Variants in IL2RA observed in about 807,000 individuals in gnomAD.
The protein encoded by IL2RA is interleukin 2 receptor subunit alpha.
Under a neutral mutation model 37.8 loss-of-function variants are expected in IL2RA, and 24 were observed. The ratio of observed to expected loss-of-function variants is 0.63; its 90% CI spans 0.46 to 0.89. The LOEUF is 0.89. IL2RA is among the 40% of genes least tolerant of loss of function. The pLI is 0.00. For missense variants in IL2RA, 319 were observed against 348.6 expected (o/e 0.92, Z 0.68); for synonymous variants, 125 against 114.6 (o/e 1.09, Z -0.58).
chr10:6,018,258 G>T lies in IL2RA; in HGVS notation c.728-139C>A. On this transcript the variant is annotated intron_variant, in intron 6 of 7. Coordinates refer to ENST00000379959, the MANE Select transcript of IL2RA (RefSeq NM_000417.3). The surrounding 1 kb of genome is among the most constrained non-coding windows in gnomAD (Gnocchi z 5.1). Reference sequence around the variant, plus strand: ...CAGCCTCTCTTCCCTGTCTCAGGAAGTAGGTCCCTCCCCATGGGATTTCCT... The same window carrying T: ...CAGCCTCTCTTCCCTGTCTCAGGAATTAGGTCCCTCCCCATGGGATTTCCT... 1 of 707,252 alleles carries T rather than the reference G, an allele frequency of 1.4e-6. No homozygotes were observed. The highest frequency in any genetic ancestry group is 1.5e-5 in the South Asian group (1 of 65,872). 43.8% of individuals were successfully genotyped at this position (707,252 alleles called of 1,614,324 possible).
chr10:6,017,875 G>T (rs371623065), intron 7 of IL2RA, among the ~76,000 whole-genome samples, 178 bp downstream of exon 7: 1 of 152,150 alleles, frequency 6.6e-6, no homozygotes, highest in African/African-American at 2.4e-5. Context: ...ACTGCACCCG[G>T]CGGTGCTTTA....
rs1839533223 is a variant in IL2RA, at chr10:6,029,121, C to T, written c.65-3096G>A. Among the ~76,000 whole-genome samples, 2 of 149,086 alleles carry T rather than the reference C, an allele frequency of 1.3e-5. No individual in the cohort carries two copies. Among genetic ancestry groups the T allele is most frequent in the Admixed American group, 6.8e-5 (1 of 14,642 alleles). ...TAAACTATGACCTGCAGATTTGCTG[C>T]CATTTATTTTATTTATTTATTTATT... On this transcript the variant is annotated intron_variant, in intron 1 of 7. Coordinates refer to ENST00000379959, the MANE Select transcript of IL2RA (RefSeq NM_000417.3). The surrounding 1 kb of genome is among the most constrained non-coding windows in gnomAD (Gnocchi z 4.6).
chr10:6,060,433 A>T (rs966143571), intron 1 of IL2RA, among the ~76,000 whole-genome samples: 8 of 152,186 alleles, frequency 5.3e-5, no homozygotes, highest in Admixed American at 4.6e-4. Flanking sequence ...CATGTAACCA[A>T]ACACCACCTG....
At chr10:6,051,309 G>A (rs1229448467) in intron 1 of IL2RA, among the ~76,000 whole-genome samples, 12 of 151,904 alleles carry the variant, frequency 7.9e-5, no homozygotes, top group African/African-American at 1.2e-4. Flanking sequence ...CAAAACTCCC[G>A]GGAAACTCTC....
At position 6,024,815 on chromosome 10, in the gene IL2RA, G is replaced by A. The variant is rs35151118; in HGVS notation, c.257-461C>T. On this transcript the variant is annotated intron_variant, in intron 2 of 7. Coordinates refer to ENST00000379959, the MANE Select transcript of IL2RA (RefSeq NM_000417.3). ...GTTCAGAATGCTTGAAGTTAGAGAC[G>A]CCATCTTAACACAATGACAAGGAAA... 3.3e-3 allele frequency among the ~76,000 whole-genome samples: 505 copies of A among 152,270 alleles called. 3 individuals carry two copies. Among genetic ancestry groups the A allele is most frequent in the South Asian group, 8.1e-3 (39 of 4,816 alleles).
At position 6,036,256 on chromosome 10, in the gene IL2RA, C is replaced by T. The variant is rs1384814994; in HGVS notation, c.65-10231G>A. On this transcript the variant is annotated intron_variant, in intron 1 of 7. Transcript: ENST00000379959. The surrounding 1 kb of genome is among the most constrained non-coding windows in gnomAD (Gnocchi z 6.1). ...GAATGACCTCACCCAGGACAAACGG[C>T]GACAGATTTAGGAATTCAAGCCAGC... is the stretch of plus-strand genomic sequence containing the variant. 1.3e-5 allele frequency: 2 copies of T among 152,226 alleles called. No homozygotes were observed. Among genetic ancestry groups the T allele is most frequent in the African/African-American group, 4.8e-5 (2 of 41,446 alleles). 9.4% of individuals were successfully genotyped at this position (152,226 alleles called of 1,614,324 possible).
chr10:6,041,873 T>C (rs1839777170), intron 1 of IL2RA, among the ~76,000 whole-genome samples: 1 of 152,150 alleles, frequency 6.6e-6, no homozygotes, highest in Non-Finnish European at 1.5e-5. Context: ...GTGGAAGTTA[T>C]AATAATCTTG....
rs748969179 is a variant in IL2RA at position 6,054,939 on chromosome 10, C to A, written c.64+7149G>T. Reference sequence around the variant, plus strand: ...TTTGAACTCCTGGGCTCATGGGATCCTCCTGCCTTGGCCTCCCAAAGTGCA... The same window carrying A: ...TTTGAACTCCTGGGCTCATGGGATCATCCTGCCTTGGCCTCCCAAAGTGCA... On this transcript the variant is annotated intron_variant, in intron 1 of 7. Transcript: ENST00000379959. This position sits in a 1 kb window ranked among gnomAD's most constrained non-coding sequence, Gnocchi z 4.5. 1.3e-4 allele frequency among the ~76,000 whole-genome samples: 20 copies of A among 152,170 alleles called. No individual in the cohort carries two copies. The highest frequency in any genetic ancestry group is 2.5e-4 in the Non-Finnish European group (17 of 68,038).
chr10:6,019,998 T>C, intron 4 of IL2RA, 57 bp from the exon 5 acceptor site: 1 of 1,462,388 alleles, frequency 6.8e-7, no homozygotes, highest in Non-Finnish European at 9.6e-7. Context: ...AGGGCCTCAC[T>C]CCCACCCCGC....
Position 6,035,268 on chromosome 10 carries a change from A to T in IL2RA, c.65-9243T>A, listed in dbSNP as rs1032949208. ...GGGTTCCTTGGGCCCCCGCTAGGGG[A>T]CTTTCTGTTTGCCCTGGGTCTCCCT... On this transcript the variant is annotated intron_variant, in intron 1 of 7. Transcript: ENST00000379959. The surrounding 1 kb of genome is among the most constrained non-coding windows in gnomAD (Gnocchi z 5.4). 3.3e-5 allele frequency among the ~76,000 whole-genome samples: 5 copies of T among 152,254 alleles called. No individual in the cohort carries two copies. The highest frequency in any genetic ancestry group is 3.3e-4 in the Admixed American group (5 of 15,292).
At chr10:6,040,492 C>T (rs775141132) in intron 1 of IL2RA, among the ~76,000 whole-genome samples, 8 of 152,162 alleles carry the variant, frequency 5.3e-5, no homozygotes, top group Non-Finnish European at 1.0e-4. Context: ...TTGTTGCCTG[C>T]CCACATTACC....
chr10:6,043,663 C>A (rs1839807225), intron 1 of IL2RA, among the ~76,000 whole-genome samples: 2 of 152,174 alleles, frequency 1.3e-5, no homozygotes, highest in African/African-American at 4.8e-5. Flanking sequence ...GTCTTGAACT[C>A]CTGACCTCAG....
intron 1 of IL2RA, among the ~76,000 whole-genome samples, chr10:6,043,562 C>A (rs543621832): frequency 1.0e-3 from 158 of 152,232 alleles, no homozygotes; most frequent in Middle Eastern, 3.4e-3. Context: ...CCTCAGCCCC[C>A]CAAGAAGCTG....
chr10:6,044,054 C>T lies in IL2RA; in HGVS notation c.65-18029G>A, dbSNP rs754200190. ...CCCAAACTCAGTGGCAAGTCCACAG[C>T]GGGGAAAGTCTAACTCCCAATTTTA... On this transcript the variant is annotated intron_variant, in intron 1 of 7. Transcript: ENST00000379959. This position sits in a 1 kb window ranked among gnomAD's most constrained non-coding sequence, Gnocchi z 4.5. 1.2e-4 allele frequency among the ~76,000 whole-genome samples: 18 copies of T among 152,192 alleles called. No homozygotes were observed. The highest frequency in any genetic ancestry group is 2.2e-4 in the Non-Finnish European group (15 of 68,044).
intron 1 of IL2RA, among the ~76,000 whole-genome samples, chr10:6,059,297 A>G (rs1840090631): frequency 6.6e-6 from 1 of 152,164 alleles, no homozygotes; most frequent in Admixed American, 6.5e-5. Context: ...AATGAACAGA[A>G]ACAGAACAAT....
In IL2RA at chr10:6,012,978, C is replaced by A; in HGVS notation, c.795-82G>T. The A allele has an allele frequency of 7.7e-7, 1 of 1,304,490 alleles. No individual in the cohort carries two copies. Among genetic ancestry groups the A allele is most frequent in the South Asian group, 1.2e-5 (1 of 84,724 alleles). 80.8% of individuals were successfully genotyped at this position (1,304,490 alleles called of 1,614,324 possible). On this transcript the variant is annotated intron_variant, in intron 7 of 7. Coordinates refer to ENST00000379959, the MANE Select transcript of IL2RA (RefSeq NM_000417.3). This position sits in a 1 kb window ranked among gnomAD's most constrained non-coding sequence, Gnocchi z 4.8. ...GGTCCTCACTCTAAACCAGTGCACA[C>A]GCCACCATGCCTGGCTAATTTTTGT...
At position 6,025,893 on chromosome 10, in the gene IL2RA, A is replaced by G; in HGVS notation, c.197T>C (p.Leu66Pro). The G allele has an allele frequency of 6.2e-7, 1 of 1,614,178 alleles. No homozygotes were observed. Among genetic ancestry groups the G allele is most frequent in the Non-Finnish European group, 8.5e-7 (1 of 1,180,034 alleles). Residue 66 changes from leucine to proline, a missense_variant, in exon 2 of 8, where the codon CTC becomes CCC. Physicochemically the swap from Leu to Pro is moderately conservative, Grantham distance 98. Transcript: ENST00000379959. The surrounding 1 kb of genome is among the most constrained non-coding windows in gnomAD (Gnocchi z 4.4). ...RRIKSGSLYM[L>P]CTGNSSHSSW... ...CGAGTGGCTAGAGTTTCCTGTACAG[A>G]GCATATAGAGTGACCCGCTTTTTAT...
Position 6,028,084 on chromosome 10 carries a change from G to A in IL2RA, c.65-2059C>T, listed in dbSNP as rs1839513211. 1.3e-5 allele frequency among the ~76,000 whole-genome samples: 2 copies of A among 152,120 alleles called. No homozygotes were observed. Among genetic ancestry groups the A allele is most frequent in the Admixed American group, 6.5e-5 (1 of 15,272 alleles). On this transcript the variant is annotated intron_variant, in intron 1 of 7. Transcript: ENST00000379959. This position sits in a 1 kb window ranked among gnomAD's most constrained non-coding sequence, Gnocchi z 4.1. ...CAGGGCTACATGATTTTGGAGGAGG[G>A]AAACACGTGAGAGGCGCCCACAGTT... is the stretch of plus-strand genomic sequence containing the variant.
intron 7 of IL2RA, among the ~76,000 whole-genome samples, chr10:6,013,760 A>T (rs1350711462): frequency 6.6e-6 from 1 of 152,212 alleles, no homozygotes; most frequent in Non-Finnish European, 1.5e-5. Flanking sequence ...ATAATTAGGA[A>T]GTGATCAGTT....
Sources: gnomAD v4.1 joint callset for allele counts (sites outside exome capture counted in the v4.1 genomes callset) on GRCh38, gnomAD v4.1.1 for gene constraint, Gnocchi (gnomAD v3.1) non-coding constraint, MANE v1.5 for transcripts, NCBI Gene and HGNC (gene_info 2026-07-23, HGNC 2026-07-21) for gene names.